Variants in LAMA2 observed in about 807,000 individuals in gnomAD.
LAMA2 encodes the protein laminin subunit alpha 2.
In LAMA2, 269 loss-of-function variants were observed where a neutral mutation model predicts 364.8. The observed-to-expected ratio is 0.74, with a 90% CI of 0.67 to 0.82. LAMA2 has a LOEUF of 0.82. Ranked by LOEUF, LAMA2 falls within the 40% of genes least tolerant of loss-of-function variation. The pLI, the probability that LAMA2 is intolerant of heterozygous loss-of-function variation, is 0.00. For missense variants in LAMA2, 3,807 were observed against 3,873.2 expected (o/e 0.98, Z 0.45); for synonymous variants, 1,379 against 1,370.6 (o/e 1.01, Z -0.14).
rs2114976329 is a variant in LAMA2, at chr6:129,154,578, T to C, written c.1101T>C (p.Asn367=). 6.2e-7 allele frequency: 1 copy of C among 1,613,968 alleles called. No individual in the cohort carries two copies. The highest frequency in any genetic ancestry group is 8.5e-7 in the Non-Finnish European group (1 of 1,179,850). The change falls in exon 8 of 65, where the codon AAT becomes AAC. Residue 367 remains asparagine (N), a synonymous_variant. Transcript: ENST00000421865. The part of the protein sequence containing the change: ...ENVARRNLSL[N]IRGKYIGGGV... ...TTGCCAGAAGAAATCTGAGTTTGAA[T>C]ATACGTGGAAAGTACATTGGAGGGG...
At chr6:129,266,293 G>A (rs1444883966) in intron 15 of LAMA2, among the ~76,000 whole-genome samples, 1 of 152,022 alleles carries the variant, frequency 6.6e-6, no homozygotes, top group African/African-American at 2.4e-5. Context: ...ACTTAATTAA[G>A]GATGATGGGG....
chr6:129,271,741 T>G (rs1457593698), intron 17 of LAMA2, among the ~76,000 whole-genome samples: 2 of 152,166 alleles, frequency 1.3e-5, no homozygotes, highest in African/African-American at 4.8e-5. Context: ...TATTGTACAC[T>G]TTCCAGCTAT....
chr6:129,330,284 C>T (rs1158940088), intron 29 of LAMA2, among the ~76,000 whole-genome samples: 1 of 151,978 alleles, frequency 6.6e-6, no homozygotes, highest in African/African-American at 2.4e-5. Flanking sequence ...GAAAAATTGC[C>T]TTCCATGAAA....
intron 30 of LAMA2, among the ~76,000 whole-genome samples, chr6:129,348,963 G>C (rs139289269): frequency 2.0e-5 from 3 of 152,096 alleles, no homozygotes; most frequent in Admixed American, 6.6e-5. Flanking sequence ...ATTCTAGTCA[G>C]ATTTTTCTTT....
intron 9 of LAMA2, among the ~76,000 whole-genome samples, chr6:129,169,019 G>C (rs370880272): frequency 6.6e-6 from 1 of 152,218 alleles, no homozygotes; most frequent in African/African-American, 2.4e-5. Context: ...TTTGTATCCT[G>C]AGACTTTGCT....
chr6:128,935,467 A>G (rs542807569), intron 1 of LAMA2, among the ~76,000 whole-genome samples: 1 of 152,006 alleles, frequency 6.6e-6, no homozygotes, highest in Admixed American at 6.5e-5. Context: ...TCTATTATTG[A>G]TGGACATTTG....
chr6:129,237,849 A>C (rs1330851790), intron 12 of LAMA2, among the ~76,000 whole-genome samples: 1 of 152,030 alleles, frequency 6.6e-6, no homozygotes, highest in Non-Finnish European at 1.5e-5. Flanking sequence ...GGTCTTTGGC[A>C]ATCCAATGGG....
chr6:129,382,206 C>T (rs1206683871), intron 34 of LAMA2, among the ~76,000 whole-genome samples: 1 of 152,042 alleles, frequency 6.6e-6, no homozygotes, highest in Non-Finnish European at 1.5e-5. Flanking sequence ...TTAGACTATC[C>T]ATATCTTTTT....
chr6:129,327,223 C>A (rs1176747984), intron 28 of LAMA2, among the ~76,000 whole-genome samples: 1 of 151,986 alleles, frequency 6.6e-6, no homozygotes, highest in Non-Finnish European at 1.5e-5. Flanking sequence ...TCAAAATAAA[C>A]AAGGAGGGTG....
At chr6:128,991,095 C>G (rs1409988025) in intron 1 of LAMA2, among the ~76,000 whole-genome samples, 1 of 151,898 alleles carries the variant, frequency 6.6e-6, no homozygotes, top group Non-Finnish European at 1.5e-5. Context: ...AAAGTAAGTT[C>G]TTGGAATTTA....
intron 40 of LAMA2, among the ~76,000 whole-genome samples, chr6:129,414,263 C>G (rs1268517346): frequency 1.3e-5 from 2 of 151,874 alleles, no homozygotes; most frequent in Admixed American, 6.6e-5. Context: ...TGTAAAGGAC[C>G]CATTATGCAA....
At chr6:129,102,401 C>T (rs2114881985) in intron 4 of LAMA2, among the ~76,000 whole-genome samples, 1 of 152,026 alleles carries the variant, frequency 6.6e-6, no homozygotes, top group South Asian at 2.1e-4. Flanking sequence ...TCCCAAAGTG[C>T]TAGGATTACA....
chr6:129,510,154 T>C (rs1241925849), intron 62 of LAMA2, among the ~76,000 whole-genome samples: 3 of 152,126 alleles, frequency 2.0e-5, no homozygotes, highest in Non-Finnish European at 2.9e-5. Context: ...GTAAACGGCA[T>C]CCAAGGAAGA....
chr6:129,399,953 A>G (rs1779874779), intron 37 of LAMA2, among the ~76,000 whole-genome samples: 1 of 152,178 alleles, frequency 6.6e-6, no homozygotes, highest in Non-Finnish European at 1.5e-5. Flanking sequence ...TGTGACCTTA[A>G]AGGAATCATT....
intron 12 of LAMA2, among the ~76,000 whole-genome samples, chr6:129,200,466 A>G (rs1361875455): frequency 2.0e-5 from 3 of 150,890 alleles, no homozygotes; most frequent in African/African-American, 4.9e-5. Flanking sequence ...ATACATGTAC[A>G]CATATACATG....
At chr6:129,128,496 G>A (rs766908085) in intron 4 of LAMA2, among the ~76,000 whole-genome samples, 5 of 152,208 alleles carry the variant, frequency 3.3e-5, no homozygotes, top group East Asian at 1.9e-4. Flanking sequence ...TTGTGGTTCC[G>A]TGCGATTTTA....
chr6:128,957,449 TTTCTTTA>T (rs1195763591), intron 1 of LAMA2, among the ~76,000 whole-genome samples: 12 of 152,296 alleles, frequency 7.9e-5, no homozygotes, highest in Middle Eastern at 3.4e-3. Context: ...CTTTTTCTTT[TTTCTTTA>T]ATTTTTCCAG....
intron 58 of LAMA2, among the ~76,000 whole-genome samples, 173 bp from the exon 59 acceptor site, chr6:129,502,486 C>T (rs577479650): frequency 4.6e-5 from 7 of 152,192 alleles, no homozygotes; most frequent in Non-Finnish European, 7.3e-5. Flanking sequence ...CTGATTCACA[C>T]GCACTGAGCA....
chr6:129,332,402 T>G (rs896816385), intron 29 of LAMA2, among the ~76,000 whole-genome samples: 3 of 152,186 alleles, frequency 2.0e-5, no homozygotes, highest in African/African-American at 7.2e-5. Flanking sequence ...TCATTTTATG[T>G]TAACATATCT....
Sources: allele counts gnomAD v4.1 joint callset (sites outside exome capture counted in the v4.1 genomes callset), GRCh38; gene constraint gnomAD v4.1.1; transcripts MANE v1.5; gene names NCBI Gene and HGNC (gene_info 2026-07-23, HGNC 2026-07-21).